USP12: variants seen among roughly 807,000 people sequenced by gnomAD.
USP12 encodes ubiquitin carboxyl-terminal hydrolase 12.
In USP12, 19 loss-of-function variants were observed where a neutral mutation model predicts 45.5. That is an observed-to-expected ratio of 0.42 (90% CI 0.29 to 0.61). USP12 has a LOEUF of 0.61. USP12 is among the 20% of genes least tolerant of loss of function. The pLI, the probability that USP12 is intolerant of heterozygous loss-of-function variation, is 0.22. For missense variants in USP12, 242 were observed against 447.7 expected, an observed-to-expected ratio of 0.54 and a Z score of 4.15; for synonymous variants, 149 against 148.8, an observed-to-expected ratio of 1.00 and a Z score of -0.01.
In USP12 at chr13:27,116,589, T is replaced by C. The variant is rs374394894; in HGVS notation, c.56A>G (p.Asn19Ser). The C allele has an allele frequency of 4.3e-5, 70 of 1,611,932 alleles. No individual in the cohort carries two copies. Among genetic ancestry groups the C allele is most frequent in the African/African-American group, 1.1e-4 (8 of 74,852 alleles). The change falls in exon 2 of 9, where the codon AAT (asparagine) becomes AGT (serine). Residue 19 changes from asparagine to serine, a missense_variant. Coordinates refer to ENST00000282344, the MANE Select transcript of USP12 (RefSeq NM_182488.4). ...KFASICTMGA[N>S]ASALEKEIGP... is the part of the protein sequence containing the mutation. ...AATCTCTTTCTCTAATGCCGAAGCA[T>C]TGGCGCCCTATAAAATGAAAAACAA...
chr13:27,098,976 G>A (rs921987187), intron 3 of USP12, among the ~76,000 whole-genome samples: 3 of 152,128 alleles, frequency 2.0e-5, no homozygotes, highest in Admixed American at 2.0e-4. Flanking sequence ...GCTCATGTCT[G>A]TAATCCCAGC....
chr13:27,160,477 A>G (rs944339922), intron 1 of USP12, among the ~76,000 whole-genome samples: 4 of 151,710 alleles, frequency 2.6e-5, no homozygotes, highest in African/African-American at 9.7e-5. Context: ...AGTAAACTTT[A>G]AAAAAGTGAA....
intron 3 of USP12, among the ~76,000 whole-genome samples, chr13:27,098,780 TATC>T (rs1037374132): frequency 1.7e-4 from 26 of 152,222 alleles, no homozygotes; most frequent in African/African-American, 5.5e-4. Flanking sequence ...CCTAAATGTT[TATC>T]AACAGGAGAA....
chr13:27,156,439 G>T (rs537833512), intron 1 of USP12, among the ~76,000 whole-genome samples: 3 of 152,124 alleles, frequency 2.0e-5, no homozygotes, highest in African/African-American at 7.2e-5. Flanking sequence ...GTGACGAAAC[G>T]CAACGATGAT....
At chr13:27,163,991 A>G (rs1878240666) in intron 1 of USP12, among the ~76,000 whole-genome samples, 1 of 151,992 alleles carries the variant, frequency 6.6e-6, no homozygotes, top group Non-Finnish European at 1.5e-5. Flanking sequence ...AGTCGTCTTC[A>G]TGTTCTCAGA....
intron 4 of USP12, among the ~76,000 whole-genome samples, chr13:27,091,086 G>C (rs947730872): frequency 2.6e-5 from 4 of 152,046 alleles, no homozygotes; most frequent in Non-Finnish European, 4.4e-5. Flanking sequence ...GGAAGATACA[G>C]CAACACTACA....
intron 6 of USP12, among the ~76,000 whole-genome samples, chr13:27,084,077 C>G (rs964735724): frequency 3.3e-5 from 5 of 150,668 alleles, no homozygotes; most frequent in Admixed American, 1.3e-4. Context: ...GTTGGCCAGG[C>G]TGGTCTCAAA....
intron 1 of USP12, among the ~76,000 whole-genome samples, chr13:27,153,459 G>T (rs576735632): frequency 5.6e-4 from 85 of 152,230 alleles, no homozygotes; most frequent in African/African-American, 1.9e-3. Flanking sequence ...TTTCAAATAG[G>T]TTCTATGAAA....
chr13:27,087,723 T>C (rs1051383774), intron 6 of USP12, among the ~76,000 whole-genome samples: 10 of 152,266 alleles, frequency 6.6e-5, no homozygotes, highest in Non-Finnish European at 1.0e-4. Flanking sequence ...AAAATGAGCC[T>C]GAACAGCTTG....
chr13:27,125,439 G>A (rs926125777), intron 1 of USP12, among the ~76,000 whole-genome samples: 1 of 152,210 alleles, frequency 6.6e-6, no homozygotes, highest in South Asian at 2.1e-4. Flanking sequence ...AACACTGAGT[G>A]CTGGAGAACT....
intron 1 of USP12, among the ~76,000 whole-genome samples, chr13:27,138,698 G>C (rs1324873159): frequency 1.3e-5 from 2 of 152,154 alleles, no homozygotes; most frequent in African/African-American, 4.8e-5. Flanking sequence ...CATGTGACAG[G>C]CTGTTTACCT....
chr13:27,126,253 C>T (rs749814797), intron 1 of USP12, among the ~76,000 whole-genome samples: 1 of 152,168 alleles, frequency 6.6e-6, no homozygotes, highest in Non-Finnish European at 1.5e-5. Flanking sequence ...AGGCTGGTGC[C>T]CCCTGGGACA....
At chr13:27,121,246 T>C (rs1293270568) in intron 1 of USP12, among the ~76,000 whole-genome samples, 1 of 150,806 alleles carries the variant, frequency 6.6e-6, no homozygotes, top group Non-Finnish European at 1.5e-5. Flanking sequence ...CCAAAATTCA[T>C]AACCATAACT....
At chr13:27,082,775 G>C (rs1873821363) in intron 6 of USP12, among the ~76,000 whole-genome samples, 2 of 152,234 alleles carry the variant, frequency 1.3e-5, no homozygotes, top group African/African-American at 4.8e-5. Context: ...GCCTGAGAGA[G>C]AGGTAGGAGG....
In USP12 at chr13:27,149,371, T is replaced by C. The variant is rs370841411; in HGVS notation, c.48+22221A>G. Among the ~76,000 whole-genome samples, 63 of 152,344 alleles carry C rather than the reference T, an allele frequency of 4.1e-4. 1 individual carries two copies. The South Asian group carries it at 0.012, about 30-fold the overall frequency. ...CCTCTTGTTAACTTCTACTCAATAC[T>C]GTACCATAGGTTCTAGCCAGCAGTT... On this transcript the variant is annotated intron_variant, in intron 1 of 8. Transcript: ENST00000282344.
chr13:27,088,453 T>C (rs928661465), intron 6 of USP12, among the ~76,000 whole-genome samples: 69 of 149,424 alleles, frequency 4.6e-4, no homozygotes, highest in African/African-American at 1.3e-3. Context: ...CGTGCTTGCA[T>C]GGATGGTCCT....
chr13:27,165,082 G>A (rs1395708357), intron 1 of USP12, among the ~76,000 whole-genome samples: 1 of 151,128 alleles, frequency 6.6e-6, no homozygotes, highest in African/African-American at 2.4e-5. Flanking sequence ...TATAAAATAA[G>A]GTAAGATAGA....
intron 2 of USP12, among the ~76,000 whole-genome samples, chr13:27,111,582 A>C (rs555357939): frequency 6.6e-6 from 1 of 152,320 alleles, no homozygotes; most frequent in Middle Eastern, 3.4e-3. Context: ...AGCTTTCTCT[A>C]ATGCCTTCTT....
rs1875122977 is a variant in USP12 at position 27,106,094 on chromosome 13, T to TACA, written c.130-153_130-151dup. 9 of 646,088 alleles carry TACA rather than the reference T, an allele frequency of 1.4e-5. No individual in the cohort carries two copies. The South Asian group carries it at 2.9e-4, about 21-fold the overall frequency. 40.0% of individuals were successfully genotyped at this position (646,088 alleles called of 1,614,324 possible). On this transcript the variant is annotated intron_variant, in intron 2 of 8. Coordinates refer to ENST00000282344, the MANE Select transcript of USP12 (RefSeq NM_182488.4). ...CTGCATTATATTATACATTTTAAAATACAACTCTCAAAAATTCTTTGGAAA... is the reference window on the plus strand; with the variant it reads ...CTGCATTATATTATACATTTTAAAATACAACAACTCTCAAAAATTCTTTGGAAA...
Sources: allele counts gnomAD v4.1 joint callset (sites outside exome capture counted in the v4.1 genomes callset), GRCh38; gene constraint gnomAD v4.1.1; transcripts MANE v1.5; gene names NCBI Gene and HGNC (gene_info 2026-07-23, HGNC 2026-07-21).